ARFGAP1: variants seen among roughly 807,000 people sequenced by gnomAD.
ARFGAP1 encodes the protein ADP-ribosylation factor GTPase-activating protein 1.
A neutral mutation model predicts 54.0 loss-of-function variants in ARFGAP1; 26 were observed. The observed-to-expected ratio is 0.48, with a 90% CI of 0.35 to 0.67. The LOEUF (loss-of-function observed/expected upper bound fraction) is 0.67, where lower values mean the gene tolerates loss of function less well. ARFGAP1 is among the 30% of genes least tolerant of loss of function. The pLI is 0.00. For missense variants in ARFGAP1, 525 were observed against 535.8 expected (o/e 0.98, Z 0.20); for synonymous variants, 248 against 211.9 (o/e 1.17, Z -1.48).
At chr20:63,283,241 C>T (rs772467098) in intron 9 of ARFGAP1, 121 of 273,700 alleles carry the variant, frequency 4.4e-4, no homozygotes, top group Non-Finnish European at 2.4e-4. Flanking sequence ...GTCTGCACTT[C>T]GAGGCAACGG....
In ARFGAP1 at chr20:63,284,893, G is replaced by A. The variant is rs369589226; in HGVS notation, c.745G>A (p.Glu249Lys). 14 of 1,613,134 alleles carry A rather than the reference G, an allele frequency of 8.7e-6. No homozygotes were observed. The highest frequency in any genetic ancestry group is 2.2e-5 in the East Asian group (1 of 44,868). The change falls in exon 10 of 13, where the codon GAG (glutamate) becomes AAG (lysine). Residue 249 changes from glutamate to lysine, a missense_variant. Coordinates refer to ENST00000370283, the MANE Select transcript of ARFGAP1 (RefSeq NM_018209.4). Reference protein sequence around the residue: ...KASELGHSLNENVLKPAQEKV... With the variant: ...KASELGHSLNKNVLKPAQEKV... ...GTCCGAGCTGGGCCACAGCCTGAAC[G>A]AGAACGTCCTCAAGCCTGCGCAGGA...
At position 63,276,023 on chromosome 20, in the gene ARFGAP1, G is replaced by T. The variant is rs1333115261; in HGVS notation, c.61-68G>T. 1 of 1,470,076 alleles carries T rather than the reference G, an allele frequency of 6.8e-7. No homozygotes were observed. Among genetic ancestry groups the T allele is most frequent in the Non-Finnish European group, 9.5e-7 (1 of 1,052,364 alleles). The allele number at this position is 1,470,076 out of a possible 1,614,324, so 91.1% of individuals were successfully genotyped here. On this transcript the variant is annotated intron_variant, in intron 2 of 12. Transcript: ENST00000370283. The surrounding 1 kb of genome is among the most constrained non-coding windows in gnomAD (Gnocchi z 5.2). The stretch of plus-strand genomic sequence containing the variant: ...CTGCATTCGCTCCTTGAGGCCACCT[G>T]TCGGGTCTTTGGGGTCCCTGGGCTC...
chr20:63,286,036 T>A, intron 11 of ARFGAP1: 1 of 1,547,638 alleles, frequency 6.5e-7, no homozygotes, highest in South Asian at 1.2e-5. Flanking sequence ...ATTTGGGGCG[T>A]GCATTTTGTC....
At chr20:63,286,685 G>C in intron 12 of ARFGAP1, 1 of 535,788 alleles carries the variant, frequency 1.9e-6, no homozygotes, top group East Asian at 3.2e-5. Flanking sequence ...TGCAGCTGCA[G>C]AGGCCTGTCC....
At position 63,276,620 on chromosome 20, in the gene ARFGAP1, A is replaced by G. The variant is rs769565819; in HGVS notation, c.311A>G (p.Asn104Ser). 3 of 1,613,358 alleles carry G rather than the reference A, an allele frequency of 1.9e-6. No individual in the cohort carries two copies. Among genetic ancestry groups the G allele is most frequent in the Non-Finnish European group, 2.5e-6 (3 of 1,179,714 alleles). ...DPCWSLQEKY[N>S]SRAAALFRDK... is the part of the protein sequence containing the mutation. ...TGCTGGTCCTTGCAGGAGAAGTACA[A>G]CAGCAGAGCCGCGGCCCTCTTTAGG... The change falls in exon 4 of 13, where the codon AAC (asparagine) becomes AGC (serine). Residue 104 changes from asparagine to serine, a missense_variant. This residue lies in a region of ARFGAP1 where 466 missense variants were observed against 453.6 expected (regional missense o/e 1.03). Coordinates refer to ENST00000370283, the MANE Select transcript of ARFGAP1 (RefSeq NM_018209.4). This position sits in a 1 kb window ranked among gnomAD's most constrained non-coding sequence, Gnocchi z 5.2.
rs749487852 is a variant in ARFGAP1, at chr20:63,276,444, G to A, written c.171-36G>A. Reference sequence around the variant, plus strand: ...GTGGAGGGTGTCCCTGGGTGTCCCCGGTGCTGGTTGATCTGCTCGATCCTC... The same window carrying A: ...GTGGAGGGTGTCCCTGGGTGTCCCCAGTGCTGGTTGATCTGCTCGATCCTC... On this transcript the variant is annotated intron_variant, in intron 3 of 12. Coordinates refer to ENST00000370283, the MANE Select transcript of ARFGAP1 (RefSeq NM_018209.4). This position sits in a 1 kb window ranked among gnomAD's most constrained non-coding sequence, Gnocchi z 5.2. 6.6e-5 allele frequency: 105 copies of A among 1,588,122 alleles called. No individual in the cohort carries two copies. Among genetic ancestry groups the A allele is most frequent in the East Asian group, 2.2e-5 (1 of 44,624 alleles).
chr20:63,276,071 C>A lies in ARFGAP1; in HGVS notation c.61-20C>A. 6.2e-7 allele frequency: 1 copy of A among 1,609,994 alleles called. No individual in the cohort carries two copies. ...CTCTGCCCTGAGCCACCTGGTGAGT[C>A]ACTTGTGGCCCCTTTGCAGGTTTGT... On this transcript the variant is annotated intron_variant, in intron 2 of 12. Transcript: ENST00000370283. This position sits in a 1 kb window ranked among gnomAD's most constrained non-coding sequence, Gnocchi z 5.2.
chr20:63,275,569 C>G lies in ARFGAP1; in HGVS notation c.-4-8C>G, dbSNP rs2067215287. 1 of 1,613,558 alleles carries G rather than the reference C, an allele frequency of 6.2e-7. No individual in the cohort carries two copies. Among genetic ancestry groups the G allele is most frequent in the Admixed American group, 1.7e-5 (1 of 59,996 alleles). ...TAAGTTTAAAGTGTTTATTTTTCTC[C>G]TTTGCAGCATCATGGCCAGCCCAAG... On this transcript the variant is annotated splice_polypyrimidine_tract_variant and splice_region_variant and intron_variant, in intron 1 of 12. Transcript: ENST00000370283.
At chr20:63,282,542 GC>G (rs1051736499) in intron 8 of ARFGAP1, among the ~76,000 whole-genome samples, 3 of 152,218 alleles carry the variant, frequency 2.0e-5, no homozygotes, top group African/African-American at 7.2e-5. Flanking sequence ...GATGGGGTTG[GC>G]CCTGCTGTTC....
intron 12 of ARFGAP1, 68 bp from the exon 13 acceptor site, chr20:63,287,493 CGGG>C: frequency 2.1e-6 from 3 of 1,440,560 alleles, no homozygotes; most frequent in Non-Finnish European, 2.8e-6. Context: ...GCAGAGCTCT[CGGG>C]GGCACAGAAT....
intron 9 of ARFGAP1, chr20:63,284,481 G>T: frequency 2.7e-6 from 3 of 1,115,716 alleles, no homozygotes; most frequent in South Asian, 2.5e-5. Context: ...GGGACTCGGT[G>T]CCTGCCTGGG....
chr20:63,285,939 CTCTTA>C, intron 11 of ARFGAP1: 1 of 1,492,494 alleles, frequency 6.7e-7, no homozygotes, highest in South Asian at 1.3e-5. Flanking sequence ...TCTCCCTCTG[CTCTTA>C]TCTTGCTGCT....
rs2067618116 is a variant in ARFGAP1, at chr20:63,288,230, T to G, written c.*357T>G. ...TTCACTACGCAGTATCTCTGGGGCCTGGGACCAGCCACGTGCCGAGCTGTC... is the reference window on the plus strand; with the variant it reads ...TTCACTACGCAGTATCTCTGGGGCCGGGGACCAGCCACGTGCCGAGCTGTC... On this transcript the variant is annotated 3_prime_UTR_variant, in exon 13 of 13. Coordinates refer to ENST00000370283, the MANE Select transcript of ARFGAP1 (RefSeq NM_018209.4). 1 of 551,728 alleles carries G rather than the reference T, an allele frequency of 1.8e-6. No individual in the cohort carries two copies. The highest frequency in any genetic ancestry group is 3.5e-6 in the Non-Finnish European group (1 of 288,994). The allele number at this position is 551,728 out of a possible 1,614,324, so 34.2% of individuals were successfully genotyped here.
chr20:63,285,068 C>G (rs1352422830), intron 10 of ARFGAP1, 146 bp downstream of exon 10: 4 of 993,992 alleles, frequency 4.0e-6, no homozygotes, highest in African/African-American at 1.6e-5. Flanking sequence ...CACAGGCGTC[C>G]TCCTCGGGGC....
intron 9 of ARFGAP1, chr20:63,283,989 G>A: frequency 6.5e-7 from 1 of 1,545,236 alleles, no homozygotes; most frequent in South Asian, 1.2e-5. Context: ...CCTCACATGT[G>A]CGCACGCTCA....
At chr20:63,275,726 G>C in intron 2 of ARFGAP1, 86 bp downstream of exon 2, 1 of 1,315,822 alleles carries the variant, frequency 7.6e-7, no homozygotes, top group Non-Finnish European at 1.1e-6. Context: ...CTGTAGTTCT[G>C]GGACCCTCCT....
rs1460555394 is a variant in ARFGAP1, at chr20:63,277,200, G to A, written c.343-5G>A. On this transcript the variant is annotated splice_polypyrimidine_tract_variant and splice_region_variant and intron_variant, in intron 4 of 12. Transcript: ENST00000370283. ...GCTCTCGAATGCCCTGTGTCTCCTT[G>A]TCAGGTGGTCGCTCTGGCCGAAGGC... The A allele has an allele frequency of 1.2e-6, 2 of 1,611,268 alleles. No homozygotes were observed. The highest frequency in any genetic ancestry group is 2.2e-5 in the East Asian group (1 of 44,850).
Position 63,276,606 on chromosome 20 carries a change from G to A in ARFGAP1, c.297G>A (p.Leu99=), listed in dbSNP as rs1179201726. The stretch of plus-strand genomic sequence containing the variant: ...AGGATTACGATCCTTGCTGGTCCTT[G>A]CAGGAGAAGTACAACAGCAGAGCCG... ...SQEDYDPCWS[L]QEKYNSRAAA... is the part of the protein sequence containing the mutation. Residue 99 remains leucine (L), a synonymous_variant, in exon 4 of 13, where the codon TTG becomes TTA. Transcript: ENST00000370283. The surrounding 1 kb of genome is among the most constrained non-coding windows in gnomAD (Gnocchi z 5.2). 6.2e-7 allele frequency: 1 copy of A among 1,613,766 alleles called. No individual in the cohort carries two copies. The highest frequency in any genetic ancestry group is 2.2e-5 in the East Asian group (1 of 44,888).
Position 63,276,695 on chromosome 20 carries a change from C to A in ARFGAP1, c.342+44C>A, listed in dbSNP as rs2067245287. 1 of 1,553,302 alleles carries A rather than the reference C, an allele frequency of 6.4e-7. No individual in the cohort carries two copies. The highest frequency in any genetic ancestry group is 1.2e-5 in the South Asian group (1 of 82,600). ...CACTCTTGCCCATGGTGTGGGGCTG[C>A]CCTGCCGTTTGTGGCAGCTGGACTG... On this transcript the variant is annotated intron_variant, in intron 4 of 12. Coordinates refer to ENST00000370283, the MANE Select transcript of ARFGAP1 (RefSeq NM_018209.4). This position sits in a 1 kb window ranked among gnomAD's most constrained non-coding sequence, Gnocchi z 5.2.
Sources: gnomAD v4.1 joint callset for allele counts (sites outside exome capture counted in the v4.1 genomes callset) on GRCh38, gnomAD v4.1.1 for gene constraint, gnomAD v4.1.1 regional missense constraint, Gnocchi (gnomAD v3.1) non-coding constraint, MANE v1.5 for transcripts, NCBI Gene and HGNC (gene_info 2026-07-23, HGNC 2026-07-21) for gene names.